FRMD1: variants seen among roughly 807,000 people sequenced by gnomAD.
The protein encoded by FRMD1 is FERM domain-containing protein 1.
A neutral mutation model predicts 54.9 loss-of-function variants in FRMD1; 51 were observed. That is an observed-to-expected ratio of 0.93 (90% confidence interval 0.74 to 1.17). FRMD1 has a LOEUF of 1.17. FRMD1 is among the 50% of genes most tolerant of loss of function. The pLI, the probability that FRMD1 is intolerant of heterozygous loss-of-function variation, is 0.00. For synonymous variants in FRMD1, 324 were observed against 306.4 expected (o/e 1.06, Z -0.60); for missense variants, 729 against 743.0 (o/e 0.98, Z 0.22).
At chr6:168,075,441 A>G in intron 1 of FRMD1, 106 bp from the exon 2 acceptor site, 3 of 853,306 alleles carry the variant, frequency 3.5e-6, no homozygotes, top group South Asian at 2.7e-5. Context: ...CGACCCAGTC[A>G]GGCATCCCCT....
At chr6:168,071,761 T>C (rs1036958238) in intron 2 of FRMD1, among the ~76,000 whole-genome samples, 1 of 152,238 alleles carries the variant, frequency 6.6e-6, no homozygotes, top group Non-Finnish European at 1.5e-5. Context: ...AAACACTGGC[T>C]GATGAGCCAG....
Position 168,086,693 on chromosome 6 carries a change from A to G in FRMD1, c.-11-7669T>C, listed in dbSNP as rs574828582. ...CATGGGCCACTGGCTGTGCCTGATC[A>G]TGCATCCCTTGGGCCGTCGTCTGTC... On this transcript the variant is annotated intron_variant, in intron 1 of 12. Transcript: ENST00000644440. Among the ~76,000 whole-genome samples, 26 of 152,318 alleles carry G rather than the reference A, an allele frequency of 1.7e-4. No individual in the cohort carries two copies. The East Asian group carries it at 5.0e-3, about 29-fold the overall frequency.
At chr6:168,060,196 T>G (rs1583168006) in intron 9 of FRMD1, among the ~76,000 whole-genome samples, 1 of 18,582 alleles carries the variant, frequency 5.4e-5, no homozygotes, top group Non-Finnish European at 1.0e-4. Flanking sequence ...TTCCTGGAAG[T>G]GGGGGGCTTC....
intron 2 of FRMD1, among the ~76,000 whole-genome samples, chr6:168,074,655 G>T (rs1378155142): frequency 2.0e-5 from 3 of 150,744 alleles, no homozygotes; most frequent in Non-Finnish European, 4.4e-5. Flanking sequence ...GTGTGTGCAT[G>T]TGTGTGGTGT....
At chr6:168,073,422 A>G (rs933768851) in intron 2 of FRMD1, among the ~76,000 whole-genome samples, 2 of 152,180 alleles carry the variant, frequency 1.3e-5, no homozygotes, top group African/African-American at 4.8e-5. Context: ...GCATGAGGTC[A>G]CATCAGAAAG....
chr6:168,067,043 C>T (rs1800068551), intron 3 of FRMD1: 1 of 754,314 alleles, frequency 1.3e-6, no homozygotes, highest in Non-Finnish European at 2.3e-6. Flanking sequence ...AGAACATCTG[C>T]AAAGGCGGGC....
chr6:168,086,745 G>T (rs1417569318), intron 1 of FRMD1, among the ~76,000 whole-genome samples: 1 of 152,230 alleles, frequency 6.6e-6, no homozygotes, highest in East Asian at 1.9e-4. Flanking sequence ...CCATACTGCT[G>T]TCCTTGTGGA....
intron 1 of FRMD1, among the ~76,000 whole-genome samples, chr6:168,077,094 CAG>C (rs1329598518): frequency 6.6e-6 from 1 of 151,560 alleles, no homozygotes; most frequent in Non-Finnish European, 1.5e-5. Context: ...CACACCCCAA[CAG>C]AGGGTTGCTG....
At chr6:168,066,413 G>T in intron 4 of FRMD1, 7 of 527,850 alleles carry the variant, frequency 1.3e-5, no homozygotes, top group Non-Finnish European at 1.8e-5. Context: ...CAGAAGAATC[G>T]CTTGAACCCA....
intron 1 of FRMD1, among the ~76,000 whole-genome samples, chr6:168,091,567 C>A (rs1009736332): frequency 2.6e-5 from 4 of 152,206 alleles, no homozygotes; most frequent in Non-Finnish European, 5.9e-5. Flanking sequence ...TCTCTGGAGC[C>A]GGTGGGCGGA....
chr6:168,066,561 A>G (rs1330982173), intron 4 of FRMD1, 194 bp downstream of exon 4: 1 of 1,304,764 alleles, frequency 7.7e-7, no homozygotes, highest in African/African-American at 1.5e-5. Flanking sequence ...TTTATGACAC[A>G]GTCTGTATAC....
At position 168,056,984 on chromosome 6, in the gene FRMD1, C is replaced by A; in HGVS notation, c.*113G>T. The A allele has an allele frequency of 3.1e-6, 4 of 1,276,732 alleles. No homozygotes were observed. The highest frequency in any genetic ancestry group is 4.1e-6 in the Non-Finnish European group (4 of 968,540). 79.1% of individuals were successfully genotyped at this position (1,276,732 alleles called of 1,614,324 possible). On this transcript the variant is annotated 3_prime_UTR_variant, in exon 11 of 11. Coordinates refer to ENST00000283309, the MANE Select transcript of FRMD1 (RefSeq NM_024919.6). ...CAGGTGAACCTGTGGAGCGTGCTGG[C>A]TGCGGAAGTGCAGGCAGCATCTGGC...
chr6:168,062,996 G>A (rs1388919034), intron 6 of FRMD1, 37 bp from the exon 7 acceptor site: 1 of 1,558,946 alleles, frequency 6.4e-7, no homozygotes, highest in African/African-American at 1.4e-5. Context: ...TTGCAGGCCT[G>A]GAGGTGCTGG....
upstream of FRMD1, among the ~76,000 whole-genome samples, chr6:168,083,477 C>G (rs1258823123): frequency 6.6e-6 from 1 of 152,240 alleles, no homozygotes; most frequent in Non-Finnish European, 1.5e-5. Context: ...GCCATGAAAC[C>G]AGAACAATCT....
upstream of FRMD1, among the ~76,000 whole-genome samples, chr6:168,082,678 GC>G (rs1405344197): frequency 2.0e-5 from 3 of 152,146 alleles, no homozygotes; most frequent in Non-Finnish European, 4.4e-5. Context: ...CCACCGCAAA[GC>G]TCCTCCCCGA....
At chr6:168,078,302 A>C (rs1035409540) in intron 1 of FRMD1, among the ~76,000 whole-genome samples, 6 of 152,092 alleles carry the variant, frequency 3.9e-5, no homozygotes, top group Non-Finnish European at 8.8e-5. Context: ...GCTCCTTGGA[A>C]ACCGGCTTCC....
At chr6:168,076,781 G>A (rs1024887538) in intron 1 of FRMD1, among the ~76,000 whole-genome samples, 6 of 152,208 alleles carry the variant, frequency 3.9e-5, no homozygotes, top group East Asian at 1.9e-4. Context: ...CCACAATGAC[G>A]GTAACACAGA....
intron 1 of FRMD1, among the ~76,000 whole-genome samples, chr6:168,086,776 T>C (rs904226201): frequency 1.3e-5 from 2 of 152,214 alleles, no homozygotes; most frequent in Admixed American, 1.3e-4. Flanking sequence ...CTTCTCCCTG[T>C]CTCCCCACAC....
At chr6:168,061,704 A>C in intron 8 of FRMD1, 103 bp downstream of exon 8, 1 of 1,259,226 alleles carries the variant, frequency 7.9e-7, no homozygotes, top group Non-Finnish European at 1.1e-6. Flanking sequence ...AGGCCACAAC[A>C]ATAAGAGACA....
Sources: gnomAD v4.1 joint callset for allele counts (sites outside exome capture counted in the v4.1 genomes callset) on GRCh38, gnomAD v4.1.1 for gene constraint, MANE v1.5 for transcripts, NCBI Gene and HGNC (gene_info 2026-07-23, HGNC 2026-07-21) for gene names.